Variants in CCDC18 observed in about 807,000 individuals in gnomAD.
CCDC18 encodes the protein coiled-coil domain-containing protein 18.
A neutral mutation model predicts 196.0 loss-of-function variants in CCDC18; 157 were observed. The observed-to-expected ratio is 0.80, with a 90% CI of 0.70 to 0.91. The LOEUF is 0.91. CCDC18 is among the 40% of genes least tolerant of loss of function. CCDC18 has a pLI of 0.00. For synonymous variants in CCDC18, 482 were observed against 529.2 expected, an observed-to-expected ratio of 0.91 and a Z score of 1.22; for missense variants, 1,465 against 1,611.6, an observed-to-expected ratio of 0.91 and a Z score of 1.56.
At chr1:93,192,959 G>A (rs1465949566) in intron 5 of CCDC18, among the ~76,000 whole-genome samples, 1 of 152,086 alleles carries the variant, frequency 6.6e-6, no homozygotes, top group South Asian at 2.1e-4. Flanking sequence ...TGATGCTGCT[G>A]CACACTGAAG....
intron 16 of CCDC18, 21 bp downstream of exon 16, chr1:93,221,957 T>C (rs1213836542): frequency 2.0e-6 from 3 of 1,467,436 alleles, no homozygotes; most frequent in Non-Finnish European, 2.8e-6. Context: ...TAATACTTTA[T>C]TTTTCTTTCT....
At chr1:93,227,969 A>ATAT (rs1199036758) in intron 17 of CCDC18, among the ~76,000 whole-genome samples, 57 of 101,248 alleles carry the variant, frequency 5.6e-4, no homozygotes, top group African/African-American at 2.9e-3. Context: ...AAAAAAAAAA[A>ATAT]AAATATATAT....
chr1:93,187,910 T>A (rs778415165), intron 4 of CCDC18, among the ~76,000 whole-genome samples: 1 of 152,212 alleles, frequency 6.6e-6, no homozygotes, highest in Non-Finnish European at 1.5e-5. Context: ...TAGATTTCTT[T>A]GTGATTTGTC....
At position 93,264,846 on chromosome 1, in the gene CCDC18, A is replaced by G. The variant is rs377026702; in HGVS notation, c.3830A>G (p.Gln1277Arg). 3.1e-6 allele frequency: 5 copies of G among 1,613,574 alleles called. No individual in the cohort carries two copies. In the African/African-American group the frequency reaches 6.7e-5, roughly 22 times the overall value. The change falls in exon 27 of 29, where the codon CAA (glutamine) becomes CGA (arginine). Residue 1277 changes from glutamine (Q) to arginine (R), a missense_variant. Coordinates refer to ENST00000690025, the MANE Select transcript of CCDC18 (RefSeq NM_001378204.1). The stretch of plus-strand genomic sequence containing the variant: ...GATACTGTAAGCAATTTGCATCAAC[A>G]AGTCCAAGATAGGAATGAAGTAATT... ...AQDTVSNLHQQVQDRNEVIEA... is the reference protein window; with the variant it reads ...AQDTVSNLHQRVQDRNEVIEA...
chr1:93,217,893 T>C, intron 14 of CCDC18, 24 bp downstream of exon 14: 1 of 1,575,162 alleles, frequency 6.3e-7, no homozygotes, highest in Non-Finnish European at 8.7e-7. Context: ...ATTTAGAATA[T>C]GAGTGCTGAA....
chr1:93,195,806 A>T (rs565463902), intron 6 of CCDC18, among the ~76,000 whole-genome samples: 1 of 152,328 alleles, frequency 6.6e-6, no homozygotes, highest in African/African-American at 2.4e-5. Flanking sequence ...GAACTGTGAG[A>T]AATACATTTC....
At chr1:93,190,737 C>A in intron 4 of CCDC18, 1 of 499,782 alleles carries the variant, frequency 2.0e-6, no homozygotes, top group East Asian at 3.8e-5. Context: ...CAAAAGATAA[C>A]ACTTAGAACT....
intron 17 of CCDC18, among the ~76,000 whole-genome samples, chr1:93,229,642 T>C (rs1658939708): frequency 6.6e-6 from 1 of 152,348 alleles, no homozygotes; most frequent in South Asian, 2.1e-4. Flanking sequence ...TGATTACCCG[T>C]TGCAAAAAGC....
At chr1:93,215,099 T>C (rs367692921) in intron 12 of CCDC18, 133 bp downstream of exon 12, 3 of 516,002 alleles carry the variant, frequency 5.8e-6, no homozygotes, top group East Asian at 3.2e-5. Context: ...ACATAAGTTA[T>C]AAATTGTTTT....
rs1557593056 is a variant in CCDC18, at chr1:93,184,087, G to GA, written c.248dup (p.Asn83LysfsTer4). On this transcript the variant is annotated frameshift_variant, in exon 3 of 29. Coordinates refer to ENST00000690025, the MANE Select transcript of CCDC18 (RefSeq NM_001378204.1). LOFTEE classifies it high-confidence loss of function. The stretch of plus-strand genomic sequence containing the variant: ...TGGACTTTTGAATTATTCACCTTAT[G>GA]AAAACGTCTGTAAAATATCTGGTAG... 6.3e-7 allele frequency: 1 copy of GA among 1,574,840 alleles called. No individual in the cohort carries two copies. Among genetic ancestry groups the GA allele is most frequent in the Non-Finnish European group, 8.6e-7 (1 of 1,156,586 alleles).
intron 26 of CCDC18, among the ~76,000 whole-genome samples, chr1:93,259,808 C>T (rs952542277): frequency 5.9e-5 from 9 of 152,310 alleles, no homozygotes; most frequent in African/African-American, 2.2e-4. Flanking sequence ...AGCTTAGTAA[C>T]TATCAGTAAT....
rs543958417 is a variant in CCDC18, at chr1:93,203,949, A to G, written c.796-1561A>G. On this transcript the variant is annotated intron_variant, in intron 7 of 28. Transcript: ENST00000690025. ...GCAACTTATTAAAGTAGAAGGCACA[A>G]CCTCTGAAATGGGAGAAATGGAAAG... is the stretch of plus-strand genomic sequence containing the variant. Among the ~76,000 whole-genome samples the G allele has an allele frequency of 8.9e-4, 135 of 152,190 alleles. 1 individual carries two copies. Among genetic ancestry groups the G allele is most frequent in the Non-Finnish European group, 1.3e-3 (89 of 68,032 alleles).
rs780888547 is a variant in CCDC18 at position 93,278,526 on chromosome 1, G to C, written c.*49G>C. On this transcript the variant is annotated 3_prime_UTR_variant, in exon 29 of 29. Transcript: ENST00000690025. ...GAAAAAATGGAATTTTTGGTACTGT[G>C]CTGTTTACTTATTATATGTAGCTCA... 128 of 1,113,290 alleles carry C rather than the reference G, an allele frequency of 1.1e-4. 2 individuals carry two copies. In the South Asian group the frequency reaches 2.8e-3, roughly 24 times the overall value. The allele number at this position is 1,113,290 out of a possible 1,614,324, so 69.0% of individuals were successfully genotyped here. A position where few individuals can be genotyped will look rare whatever the true frequency, so the allele number is the denominator to read the frequency against.
intron 22 of CCDC18, 40 bp downstream of exon 22, chr1:93,246,244 T>G: frequency 1.4e-6 from 2 of 1,417,464 alleles, no homozygotes; most frequent in Non-Finnish European, 1.9e-6. Context: ...AGTTTTCTGT[T>G]ATGACACAGT....
chr1:93,192,579 G>A (rs1360656978), intron 5 of CCDC18, among the ~76,000 whole-genome samples: 1 of 152,128 alleles, frequency 6.6e-6, no homozygotes, highest in Non-Finnish European at 1.5e-5. Flanking sequence ...CTACAGGCAC[G>A]CACCCACTGT....
At chr1:93,270,913 A>G in intron 28 of CCDC18, 99 bp downstream of exon 28, 2 of 1,390,154 alleles carry the variant, frequency 1.4e-6, no homozygotes, top group African/African-American at 1.5e-5. Flanking sequence ...AAAAACTACT[A>G]ATATTTGAAG....
At chr1:93,180,512 C>A (rs1011526773), upstream of CCDC18, 27 of 1,537,262 alleles carry the variant, frequency 1.8e-5, no homozygotes, top group Middle Eastern at 1.7e-4. Context: ...GCCTCTCCCC[C>A]TGACGGCCTC....
chr1:93,207,544 AT>A (rs958087209), intron 9 of CCDC18, 146 bp downstream of exon 9: 81 of 610,802 alleles, frequency 1.3e-4, no homozygotes, highest in African/African-American at 4.4e-4. Flanking sequence ...CTAAATCTCT[AT>A]TTTTTTTCCT....
In CCDC18 at chr1:93,212,217, G is replaced by A. The variant is rs774950619; in HGVS notation, c.1451G>A (p.Ser484Asn). The A allele has an allele frequency of 1.9e-6, 3 of 1,608,838 alleles. No individual in the cohort carries two copies. In the East Asian group the frequency reaches 6.7e-5, roughly 36 times the overall value. Residue 484 changes from serine (S) to asparagine (N), a missense_variant, in exon 11 of 29, where the codon AGT (serine) becomes AAT (asparagine). Coordinates refer to ENST00000690025, the MANE Select transcript of CCDC18 (RefSeq NM_001378204.1). ...CNDSQESSKL[S>N]SLETEPVKLG... ...GACAGCCAAGAAAGTAGCAAATTAA[G>A]TAGTTTAGAAACAGAACCTGTAAAG...
Sources: gnomAD v4.1 joint callset for allele counts (sites outside exome capture counted in the v4.1 genomes callset) on GRCh38, gnomAD v4.1.1 for gene constraint, MANE v1.5 for transcripts, NCBI Gene and HGNC (gene_info 2026-07-23, HGNC 2026-07-21) for gene names.